CTNND2: variants seen among roughly 807,000 people sequenced by gnomAD.
CTNND2 encodes catenin delta-2.
CTNND2 carries 22 observed loss-of-function variants against 144.4 expected under a neutral mutation model. The ratio of observed to expected loss-of-function variants is 0.15; its 90% confidence interval spans 0.11 to 0.22. The LOEUF (loss-of-function observed/expected upper bound fraction) is 0.22. CTNND2 is among the 10% of genes least tolerant of loss of function. The pLI is 1.00. For synonymous variants in CTNND2, 751 were observed against 695.6 expected (o/e 1.08, Z -1.25); for missense variants, 1,353 against 1,618.8 (o/e 0.84, Z 2.82).
intron 1 of CTNND2, among the ~76,000 whole-genome samples, chr5:11,880,923 T>C (rs1736051210): frequency 6.8e-6 from 1 of 146,986 alleles, no homozygotes; most frequent in African/African-American, 2.5e-5. Flanking sequence ...CCACTACTAC[T>C]ACCACTACTA....
chr5:11,749,204 T>A (rs13436197), intron 1 of CTNND2, among the ~76,000 whole-genome samples: 1 of 151,886 alleles, frequency 6.6e-6, no homozygotes, highest in Non-Finnish European at 1.5e-5. Flanking sequence ...AGAGGAAACT[T>A]TGACTCAGAA....
At chr5:11,324,380 C>A (rs1752329630) in intron 9 of CTNND2, among the ~76,000 whole-genome samples, 1 of 152,208 alleles carries the variant, frequency 6.6e-6, no homozygotes, top group Non-Finnish European at 1.5e-5. Context: ...CTTTGCATAT[C>A]ATTCTCTAAA....
At chr5:11,605,378 A>G (rs1028729743) in intron 2 of CTNND2, among the ~76,000 whole-genome samples, 24 of 152,254 alleles carry the variant, frequency 1.6e-4, no homozygotes, top group Non-Finnish European at 2.6e-4. Context: ...AATTTATCAT[A>G]CACACTAAAT....
chr5:11,807,499 G>A (rs1792071414), intron 1 of CTNND2, among the ~76,000 whole-genome samples: 1 of 152,120 alleles, frequency 6.6e-6, no homozygotes, highest in Non-Finnish European at 1.5e-5. Context: ...ATTAGCAAAT[G>A]TGCTCCACAC....
chr5:11,316,575 T>G (rs1014888319), intron 9 of CTNND2, among the ~76,000 whole-genome samples: 2 of 151,634 alleles, frequency 1.3e-5, no homozygotes, highest in Non-Finnish European at 2.9e-5. Context: ...TGTGCCATGT[T>G]GGTGTGCTGC....
At chr5:11,475,073 A>G (rs937233953) in intron 3 of CTNND2, among the ~76,000 whole-genome samples, 20 of 152,380 alleles carry the variant, frequency 1.3e-4, no homozygotes, top group Non-Finnish European at 2.6e-4. Context: ...GCTAGAGGTT[A>G]TAAGTCAAGT....
chr5:11,678,575 C>T (rs1036573507), intron 2 of CTNND2, among the ~76,000 whole-genome samples: 1 of 152,192 alleles, frequency 6.6e-6, no homozygotes, highest in African/African-American at 2.4e-5. Context: ...AAGACGAAGC[C>T]CTCTAGCACT....
intron 2 of CTNND2, among the ~76,000 whole-genome samples, chr5:11,641,771 T>TACAC (rs1581653745): frequency 6.7e-6 from 1 of 148,316 alleles, no homozygotes; most frequent in African/African-American, 2.5e-5. Context: ...CATATACGTA[T>TACAC]ATGTATGTAC....
intron 6 of CTNND2, among the ~76,000 whole-genome samples, chr5:11,387,516 G>A (rs568113680): frequency 1.9e-4 from 29 of 152,216 alleles, no homozygotes; most frequent in African/African-American, 7.0e-4. Flanking sequence ...TTTTTCTTCT[G>A]AAGCTCTACT....
At chr5:11,655,790 C>T (rs1334433998) in intron 2 of CTNND2, among the ~76,000 whole-genome samples, 1 of 151,998 alleles carries the variant, frequency 6.6e-6, no homozygotes, top group Non-Finnish European at 1.5e-5. Flanking sequence ...TGTATGGTTA[C>T]CCAGGAAGTA....
At chr5:11,593,698 T>C (rs1779369429) in intron 2 of CTNND2, among the ~76,000 whole-genome samples, 1 of 152,222 alleles carries the variant, frequency 6.6e-6, no homozygotes, top group Admixed American at 6.5e-5. Context: ...CCTCCTTCAC[T>C]TTCCATCATG....
chr5:11,756,841 G>A (rs1788971158), intron 1 of CTNND2, among the ~76,000 whole-genome samples: 1 of 151,086 alleles, frequency 6.6e-6, no homozygotes, highest in South Asian at 2.1e-4. Context: ...CTCTACAAAT[G>A]TTGTTTTCAT....
chr5:11,325,501 A>G (rs1455958446), intron 9 of CTNND2, among the ~76,000 whole-genome samples: 2 of 152,136 alleles, frequency 1.3e-5, no homozygotes, highest in Non-Finnish European at 2.9e-5. Flanking sequence ...ACATCTCTTA[A>G]TGAGTGGAGA....
intron 2 of CTNND2, among the ~76,000 whole-genome samples, chr5:11,693,791 C>T (rs1269007044): frequency 6.6e-6 from 1 of 152,152 alleles, no homozygotes; most frequent in African/African-American, 2.4e-5. Flanking sequence ...TAGTTTTGTT[C>T]TATAAAGTCA....
chr5:11,744,746 T>G (rs564971044), intron 1 of CTNND2, among the ~76,000 whole-genome samples: 4 of 151,902 alleles, frequency 2.6e-5, no homozygotes, highest in African/African-American at 9.7e-5. Flanking sequence ...TTTTATTATT[T>G]TATTATTATT....
chr5:11,438,687 T>C (rs543239453), intron 3 of CTNND2, among the ~76,000 whole-genome samples: 1 of 152,328 alleles, frequency 6.6e-6, no homozygotes, highest in South Asian at 2.1e-4. Context: ...GATTAACACG[T>C]TCTCTGAATT....
intron 9 of CTNND2, among the ~76,000 whole-genome samples, chr5:11,331,128 T>C (rs572254584): frequency 6.6e-6 from 1 of 152,340 alleles, no homozygotes; most frequent in African/African-American, 2.4e-5. Flanking sequence ...TAGATGTTAA[T>C]TGCCACTTAT....
intron 10 of CTNND2, among the ~76,000 whole-genome samples, chr5:11,216,120 A>G (rs562740801): frequency 6.6e-6 from 1 of 152,278 alleles, no homozygotes; most frequent in Non-Finnish European, 1.5e-5. Context: ...AGCAGGATGT[A>G]ATGTGGCATC....
chr5:11,009,481 A>G (rs374222162), intron 18 of CTNND2, among the ~76,000 whole-genome samples: 2 of 152,200 alleles, frequency 1.3e-5, no homozygotes, highest in African/African-American at 2.4e-5. Flanking sequence ...CAAAGATGTG[A>G]TATCACCCAA....
Sources: gnomAD v4.1 joint callset for allele counts (sites outside exome capture counted in the v4.1 genomes callset) on GRCh38, gnomAD v4.1.1 for gene constraint, MANE v1.5 for transcripts, NCBI Gene and HGNC (gene_info 2026-07-23, HGNC 2026-07-21) for gene names.